Variants in OSBPL9 observed in about 807,000 individuals in gnomAD.
OSBPL9 encodes the protein oxysterol-binding protein-related protein 9.
In OSBPL9, 40 loss-of-function variants were observed where a neutral mutation model predicts 106.6. The ratio of observed to expected loss-of-function variants is 0.38; its 90% CI spans 0.29 to 0.49. OSBPL9 has a LOEUF of 0.49. Ranked by LOEUF, OSBPL9 falls within the 20% of genes least tolerant of loss-of-function variation. The pLI, the probability that OSBPL9 is intolerant of heterozygous loss-of-function variation, is 0.97. For missense variants in OSBPL9, 609 were observed against 887.2 expected (o/e 0.69, Z 3.98); for synonymous variants, 269 against 295.4 (o/e 0.91, Z 0.92).
Position 51,787,561 on chromosome 1 carries a change from G to A in OSBPL9, c.2136+73G>A, listed in dbSNP as rs1677992322. On this transcript the variant is annotated intron_variant, in intron 23 of 23. Coordinates refer to ENST00000428468, the MANE Select transcript of OSBPL9 (RefSeq NM_024586.6). Reference sequence around the variant, plus strand: ...TTTCAGTGAATGTTGAAGAAGTGATGTGCCAAACACTGTTTATAAACAAGA... The same window carrying A: ...TTTCAGTGAATGTTGAAGAAGTGATATGCCAAACACTGTTTATAAACAAGA... 4 of 1,606,658 alleles carry A rather than the reference G, an allele frequency of 2.5e-6. No individual in the cohort carries two copies. The South Asian group carries it at 3.3e-5, about 13-fold the overall frequency.
At chr1:51,662,695 A>G (rs939955885) in intron 2 of OSBPL9, among the ~76,000 whole-genome samples, 3 of 152,126 alleles carry the variant, frequency 2.0e-5, no homozygotes, top group African/African-American at 7.2e-5. Context: ...TGAGAATTGA[A>G]TCTAGCAAGA....
chr1:51,536,835 G>A, the OSBPL9 span, among the ~76,000 whole-genome samples: 2 of 152,306 alleles, frequency 1.3e-5, no homozygotes, highest in South Asian at 4.1e-4. Context: ...CATCATATGG[G>A]GAGAAACGTG....
At chr1:51,640,208 T>C (rs1481526836) in intron 1 of OSBPL9, among the ~76,000 whole-genome samples, 3 of 152,242 alleles carry the variant, frequency 2.0e-5, no homozygotes, top group Non-Finnish European at 4.4e-5. Flanking sequence ...TAAATATGTT[T>C]GCACAAAACT....
the OSBPL9 span, chr1:51,567,420 C>T: frequency 1.3e-5 from 2 of 152,204 alleles, no homozygotes; most frequent in African/African-American, 4.8e-5. Flanking sequence ...CTAGGTGTCT[C>T]TAACTTGATG....
At chr1:51,681,481 C>T (rs1274698046) in intron 3 of OSBPL9, among the ~76,000 whole-genome samples, 1 of 151,996 alleles carries the variant, frequency 6.6e-6, no homozygotes, top group African/African-American at 2.4e-5. Context: ...CTGTTTTCAG[C>T]ATTCTTAATG....
intron 20 of OSBPL9, chr1:51,784,980 T>G (rs1391521212): frequency 1.0e-5 from 2 of 197,970 alleles, no homozygotes; most frequent in East Asian, 1.4e-4. Flanking sequence ...TTTCTGTGCC[T>G]TTGCTGGGGA....
At chr1:51,730,206 G>T (rs1432129337) in intron 4 of OSBPL9, 2 of 1,206,186 alleles carry the variant, frequency 1.7e-6, no homozygotes, top group Non-Finnish European at 2.1e-6. Flanking sequence ...GGAGGCTGAG[G>T]TCAGGGCCTC....
chr1:51,770,337 T>A (rs1250694401), intron 12 of OSBPL9, among the ~76,000 whole-genome samples: 1 of 152,096 alleles, frequency 6.6e-6, no homozygotes, highest in Non-Finnish European at 1.5e-5. Flanking sequence ...GAGATGGGGC[T>A]TCACCATGTT....
chr1:51,586,117 T>G (rs1226195266), intron 1 of OSBPL9, among the ~76,000 whole-genome samples: 1 of 151,774 alleles, frequency 6.6e-6, no homozygotes, highest in Admixed American at 6.6e-5. Context: ...GAGGTTGCAG[T>G]GAGCCGAGAT....
At chr1:51,784,780 G>A in intron 20 of OSBPL9, 198 bp downstream of exon 20, 2 of 633,440 alleles carry the variant, frequency 3.2e-6, no homozygotes, top group Non-Finnish European at 5.2e-6. Context: ...GCAGTCAGAG[G>A]TCATTGATAG....
intron 4 of OSBPL9, among the ~76,000 whole-genome samples, chr1:51,743,424 A>G (rs1667344908): frequency 6.6e-6 from 1 of 152,234 alleles, no homozygotes; most frequent in South Asian, 2.1e-4. Flanking sequence ...TTTAGATAGC[A>G]GTAATTTAAA....
intron 8 of OSBPL9, among the ~76,000 whole-genome samples, chr1:51,754,801 C>T (rs1240843587): frequency 1.3e-5 from 2 of 151,834 alleles, no homozygotes; most frequent in Non-Finnish European, 2.9e-5. Flanking sequence ...TTCTTTCTTA[C>T]TCTCTCTCTC....
chr1:51,533,022 AT>A, the OSBPL9 span, among the ~76,000 whole-genome samples: 5 of 152,096 alleles, frequency 3.3e-5, no homozygotes, highest in African/African-American at 1.2e-4. Flanking sequence ...TTAATTGGTA[AT>A]TGGTAATAAT....
intron 1 of OSBPL9, among the ~76,000 whole-genome samples, chr1:51,593,715 ATTAC>A (rs945633841): frequency 1.8e-4 from 27 of 152,086 alleles, no homozygotes; most frequent in African/African-American, 6.5e-4. Context: ...TCAAAACAGT[ATTAC>A]TTGTATCACC....
chr1:51,606,020 AAAGG>A (rs1442034699), intron 2 of OSBPL9, among the ~76,000 whole-genome samples: 14 of 152,112 alleles, frequency 9.2e-5, no homozygotes, highest in Non-Finnish European at 2.1e-4. Flanking sequence ...AGAAAAAAGA[AAAGG>A]AAGGAAAGAA....
intron 12 of OSBPL9, among the ~76,000 whole-genome samples, chr1:51,766,437 G>C (rs1048895998): frequency 6.6e-6 from 1 of 152,156 alleles, no homozygotes; most frequent in African/African-American, 2.4e-5. Flanking sequence ...GTGCTAGGTT[G>C]ATATCAAGGT....
intron 1 of OSBPL9, among the ~76,000 whole-genome samples, chr1:51,622,987 A>G (rs1022712020): frequency 6.6e-6 from 1 of 152,238 alleles, no homozygotes; most frequent in African/African-American, 2.4e-5. Flanking sequence ...AAGGGATGCC[A>G]GAGATGTAAG....
intron 1 of OSBPL9, among the ~76,000 whole-genome samples, chr1:51,589,620 G>C (rs1420310157): frequency 6.6e-6 from 1 of 152,030 alleles, no homozygotes; most frequent in Admixed American, 6.6e-5. Flanking sequence ...GAATATCTAA[G>C]AGAAGAATAT....
At chr1:51,758,754 T>G (rs1281940745) in intron 9 of OSBPL9, among the ~76,000 whole-genome samples, 3 of 152,198 alleles carry the variant, frequency 2.0e-5, no homozygotes. Context: ...GTGTGACATA[T>G]TCTCACTGCT....
Sources: gnomAD v4.1 joint callset for allele counts (sites outside exome capture counted in the v4.1 genomes callset) on GRCh38, gnomAD v4.1.1 for gene constraint, MANE v1.5 for transcripts, NCBI Gene and HGNC (gene_info 2026-07-23, HGNC 2026-07-21) for gene names.